The following JAKMIP2 variants were observed in gnomAD, a reference collection of about 807,000 sequenced individuals.
JAKMIP2 encodes the protein janus kinase and microtubule interacting protein 2.
In JAKMIP2, 25 loss-of-function variants were observed where a neutral mutation model predicts 115.0. The ratio of observed to expected loss-of-function variants is 0.22; its 90% confidence interval spans 0.16 to 0.30. The LOEUF is 0.30. JAKMIP2 is among the 10% of genes least tolerant of loss of function. The pLI is 1.00. For missense variants in JAKMIP2, 642 were observed against 957.6 expected, an observed-to-expected ratio of 0.67 and a Z score of 4.35; for synonymous variants, 334 against 343.6, an observed-to-expected ratio of 0.97 and a Z score of 0.31.
chr5:147,761,406 T>C (rs1327706930), intron 1 of JAKMIP2, among the ~76,000 whole-genome samples: 1 of 152,004 alleles, frequency 6.6e-6, no homozygotes, highest in Non-Finnish European at 1.5e-5. Flanking sequence ...ATGAGGAGTC[T>C]GGGGCACAGA....
At chr5:147,615,200 A>G (rs756645687) in intron 19 of JAKMIP2, among the ~76,000 whole-genome samples, 10 of 152,194 alleles carry the variant, frequency 6.6e-5, no homozygotes, top group Non-Finnish European at 1.2e-4. Context: ...GTTGTGAATG[A>G]GTGCATAACA....
At chr5:147,727,999 A>G (rs1383267841) in intron 1 of JAKMIP2, among the ~76,000 whole-genome samples, 1 of 152,170 alleles carries the variant, frequency 6.6e-6, no homozygotes, top group Non-Finnish European at 1.5e-5. Context: ...TTCCTCATGA[A>G]ACCCCAGGGA....
intron 1 of JAKMIP2, among the ~76,000 whole-genome samples, chr5:147,712,551 C>A (rs1752821935): frequency 6.6e-6 from 1 of 152,120 alleles, no homozygotes; most frequent in South Asian, 2.1e-4. Context: ...AATTTTAGAG[C>A]CCTTCCACTA....
chr5:147,714,385 A>G (rs1425675048), intron 1 of JAKMIP2, among the ~76,000 whole-genome samples: 1 of 152,198 alleles, frequency 6.6e-6, no homozygotes, highest in Non-Finnish European at 1.5e-5. Context: ...TTTAGGTGTA[A>G]CAGAAGAATC....
At chr5:147,673,684 G>A (rs1759763335) in intron 1 of JAKMIP2, among the ~76,000 whole-genome samples, 1 of 152,158 alleles carries the variant, frequency 6.6e-6, no homozygotes, top group South Asian at 2.1e-4. Flanking sequence ...GTCTCTGAGA[G>A]GCCATCTTTT....
At chr5:147,655,841 A>G (rs1758648211) in intron 3 of JAKMIP2, among the ~76,000 whole-genome samples, 2 of 152,060 alleles carry the variant, frequency 1.3e-5, no homozygotes, top group Non-Finnish European at 2.9e-5. Flanking sequence ...AGTGCTATAA[A>G]TTTCCCTCTA....
At chr5:147,723,723 C>A (rs968757002) in intron 1 of JAKMIP2, among the ~76,000 whole-genome samples, 12 of 152,092 alleles carry the variant, frequency 7.9e-5, no homozygotes, top group Admixed American at 3.9e-4. Context: ...TCTGTATAAC[C>A]ATTATTAGAC....
chr5:147,705,300 C>T (rs1261060093), intron 1 of JAKMIP2, among the ~76,000 whole-genome samples: 1 of 152,034 alleles, frequency 6.6e-6, no homozygotes, highest in Non-Finnish European at 1.5e-5. Flanking sequence ...AGTGAATGGT[C>T]AGTTGTTAAG....
intron 3 of JAKMIP2, among the ~76,000 whole-genome samples, chr5:147,658,195 G>C (rs989135312): frequency 3.3e-5 from 5 of 152,148 alleles, no homozygotes; most frequent in African/African-American, 1.2e-4. Flanking sequence ...AGGGTCTTTT[G>C]TTGATGTTGT....
intron 1 of JAKMIP2, among the ~76,000 whole-genome samples, chr5:147,715,012 T>A (rs541735248): frequency 6.6e-6 from 1 of 152,276 alleles, no homozygotes; most frequent in Non-Finnish European, 1.5e-5. Flanking sequence ...ATTATAATCA[T>A]AAAGTGATAG....
intron 14 of JAKMIP2, among the ~76,000 whole-genome samples, chr5:147,631,111 G>A (rs928005042): frequency 3.3e-5 from 5 of 152,066 alleles, no homozygotes; most frequent in Non-Finnish European, 5.9e-5. Flanking sequence ...GTATTAAATC[G>A]AATTCACATT....
intron 1 of JAKMIP2, among the ~76,000 whole-genome samples, chr5:147,683,282 A>G (rs1760394252): frequency 6.6e-6 from 1 of 152,172 alleles, no homozygotes; most frequent in Admixed American, 6.5e-5. Context: ...TTGAGGTCAG[A>G]TCACTTTGAG....
At chr5:147,686,336 G>C (rs958530670) in intron 1 of JAKMIP2, among the ~76,000 whole-genome samples, 2 of 141,080 alleles carry the variant, frequency 1.4e-5, no homozygotes. Context: ...CAGTGTTGGT[G>C]GGGGGGCACT....
chr5:147,623,921 C>T (rs1194247651), intron 16 of JAKMIP2, among the ~76,000 whole-genome samples: 8 of 152,136 alleles, frequency 5.3e-5, no homozygotes, highest in South Asian at 2.1e-4. Flanking sequence ...CTGCAACCTC[C>T]GCCTCCTGCT....
rs913350113 is a variant in JAKMIP2 at position 147,587,573 on chromosome 5, A to G, written c.*4134T>C. The G allele has an allele frequency of 6.6e-6, 1 of 152,200 alleles. No individual in the cohort carries two copies. The highest frequency in any genetic ancestry group is 1.5e-5 in the Non-Finnish European group (1 of 68,034). 9.4% of individuals were successfully genotyped at this position (152,200 alleles called of 1,614,324 possible). A position where few individuals can be genotyped will look rare whatever the true frequency, so the allele number is the denominator to read the frequency against. On this transcript the variant is annotated 3_prime_UTR_variant, in exon 22 of 22. Coordinates refer to ENST00000616793, the MANE Select transcript of JAKMIP2 (RefSeq NM_001270941.2). ...AGATGATCCAATTATTTAAACATCA[A>G]CACAAAACCAATGAATATTCTTTTT...
Position 147,705,490 on chromosome 5 carries a change from A to C in JAKMIP2, c.-148-33536T>G, listed in dbSNP as rs28712398. Among the ~76,000 whole-genome samples the C allele has an allele frequency of 8.9e-3, 1,358 of 152,106 alleles. 18 individuals are homozygous for C. Among genetic ancestry groups the C allele is most frequent in the South Asian group, 0.02 (95 of 4,812 alleles). On this transcript the variant is annotated intron_variant, in intron 1 of 21. Coordinates refer to ENST00000616793, the MANE Select transcript of JAKMIP2 (RefSeq NM_001270941.2). ...TCATTTGAGCCATGAGAATCATTTG[A>C]GCCTGAGAGGCAGAGGTTGCAGTGA... is the stretch of plus-strand genomic sequence containing the variant.
intron 1 of JAKMIP2, among the ~76,000 whole-genome samples, chr5:147,730,830 T>C (rs72835161): frequency 0.041 from 6,269 of 152,254 alleles, 168 homozygotes; most frequent in South Asian, 0.12. Flanking sequence ...TGTTTGCTGT[T>C]GGTAATTTTC....
chr5:147,629,687 A>C lies in JAKMIP2; in HGVS notation c.1929+6T>G. The C allele has an allele frequency of 6.2e-7, 1 of 1,607,428 alleles. No individual in the cohort carries two copies. The highest frequency in any genetic ancestry group is 8.5e-7 in the Non-Finnish European group (1 of 1,175,216). On this transcript the variant is annotated splice_donor_region_variant and intron_variant, in intron 15 of 21. Coordinates refer to ENST00000616793, the MANE Select transcript of JAKMIP2 (RefSeq NM_001270941.2). The stretch of plus-strand genomic sequence containing the variant: ...CATATCTATACTAAATCAATTCTTT[A>C]CTTACCCCATTATCACCCAAGATAT...
intron 17 of JAKMIP2, among the ~76,000 whole-genome samples, chr5:147,621,949 A>C (rs887363706): frequency 1.3e-5 from 2 of 152,006 alleles, no homozygotes; most frequent in African/African-American, 4.8e-5. Flanking sequence ...CTCACTGCAA[A>C]CTCCGCCTCC....
Sources: gnomAD v4.1 joint callset for allele counts (sites outside exome capture counted in the v4.1 genomes callset) on GRCh38, gnomAD v4.1.1 for gene constraint, MANE v1.5 for transcripts, NCBI Gene and HGNC (gene_info 2026-07-23, HGNC 2026-07-21) for gene names.